LRRTM4: variants seen among roughly 807,000 people sequenced by gnomAD.
LRRTM4 encodes the protein leucine-rich repeat transmembrane neuronal protein 4.
Under a neutral mutation model 47.6 loss-of-function variants are expected in LRRTM4, and 25 were observed. That is an observed-to-expected ratio of 0.53 (90% CI 0.38 to 0.73). The LOEUF (loss-of-function observed/expected upper bound fraction) is 0.73. LRRTM4 is among the 30% of genes least tolerant of loss of function. The probability of loss-of-function intolerance (pLI) is 0.00; values close to 1 mark genes in which losing one functional copy is unlikely to be tolerated. For synonymous variants in LRRTM4, 311 were observed against 269.5 expected (o/e 1.15, Z -1.51); for missense variants, 638 against 713.4 (o/e 0.89, Z 1.20).
intron 3 of LRRTM4, among the ~76,000 whole-genome samples, chr2:76,972,685 G>T (rs1201645010): frequency 6.6e-6 from 1 of 151,950 alleles, no homozygotes. Context: ...CTCCCAAAGT[G>T]CTGGGATTAC....
At chr2:77,064,216 G>T (rs1475320281) in intron 3 of LRRTM4, among the ~76,000 whole-genome samples, 1 of 152,020 alleles carries the variant, frequency 6.6e-6, no homozygotes, top group Admixed American at 6.6e-5. Flanking sequence ...TATCCAATAA[G>T]TACTTCCACC....
intron 3 of LRRTM4, among the ~76,000 whole-genome samples, chr2:77,315,466 T>G (rs1236111042): frequency 6.6e-6 from 1 of 152,176 alleles, no homozygotes; most frequent in Non-Finnish European, 1.5e-5. Context: ...AAATATAGAT[T>G]GCTAGTGCTG....
intron 3 of LRRTM4, among the ~76,000 whole-genome samples, chr2:77,498,945 A>G (rs1678465505): frequency 6.6e-6 from 1 of 151,864 alleles, no homozygotes; most frequent in Admixed American, 6.6e-5. Flanking sequence ...AGATCTCTAC[A>G]TAGATTACTC....
At chr2:77,412,047 C>A (rs1489935974) in intron 3 of LRRTM4, among the ~76,000 whole-genome samples, 1 of 152,076 alleles carries the variant, frequency 6.6e-6, no homozygotes, top group African/African-American at 2.4e-5. Flanking sequence ...CAACTGTGGT[C>A]TTTACATGAG....
At position 77,140,660 on chromosome 2, in the gene LRRTM4, A is replaced by AAAG. The variant is rs1672094734; in HGVS notation, c.1551+377655_1551+377657dup. 9.2e-5 allele frequency among the ~76,000 whole-genome samples: 14 copies of AAAG among 152,332 alleles called. No homozygotes were observed. The South Asian group carries it at 2.9e-3, about 32-fold the overall frequency. ...TAAACTAAAGAGCTTCTGCACAGCA[A>AAAG]AAGAAACTACCATCACAGTGAACAG... On this transcript the variant is annotated intron_variant, in intron 3 of 3. Coordinates refer to ENST00000409884, the MANE Select transcript of LRRTM4 (RefSeq NM_001134745.3).
intron 3 of LRRTM4, among the ~76,000 whole-genome samples, chr2:77,213,201 A>C (rs765473333): frequency 2.2e-4 from 34 of 152,164 alleles, no homozygotes; most frequent in Non-Finnish European, 3.8e-4. Context: ...TTTCTTTTAA[A>C]TACCATCAGC....
At chr2:77,441,008 C>T (rs1675818448) in intron 3 of LRRTM4, among the ~76,000 whole-genome samples, 1 of 152,218 alleles carries the variant, frequency 6.6e-6, no homozygotes, top group Admixed American at 6.5e-5. Flanking sequence ...TTACAAAAAT[C>T]ATTCTCACAA....
At chr2:77,123,213 CAGAGAGAGAGAGAGAG>C (rs56149151) in intron 3 of LRRTM4, among the ~76,000 whole-genome samples, 1 of 142,890 alleles carries the variant, frequency 7.0e-6, no homozygotes, top group East Asian at 2.1e-4. Context: ...TTCAGTCTCA[CAGAGAGAGAGAGAGAG>C]AGAGAGAGAG....
intron 3 of LRRTM4, among the ~76,000 whole-genome samples, chr2:76,827,504 T>C (rs1418684704): frequency 1.3e-5 from 2 of 151,812 alleles, no homozygotes; most frequent in Non-Finnish European, 2.9e-5. Context: ...CTGAGGACCA[T>C]ATGGATGCTG....
chr2:77,332,391 C>T (rs572680653), intron 3 of LRRTM4, among the ~76,000 whole-genome samples: 1 of 152,256 alleles, frequency 6.6e-6, no homozygotes, highest in South Asian at 2.1e-4. Context: ...ATTATTCATA[C>T]ACGTTTTAGA....
intron 3 of LRRTM4, among the ~76,000 whole-genome samples, chr2:77,458,991 C>T (rs985959044): frequency 6.6e-6 from 1 of 151,952 alleles, no homozygotes; most frequent in African/African-American, 2.4e-5. Context: ...ACATTGTCTT[C>T]TCTGTGGATT....
At chr2:76,775,650 T>C (rs1031987312) in intron 3 of LRRTM4, among the ~76,000 whole-genome samples, 1 of 152,178 alleles carries the variant, frequency 6.6e-6, no homozygotes, top group African/African-American at 2.4e-5. Flanking sequence ...GCTTTATAGA[T>C]AAGTGCAGTC....
intron 3 of LRRTM4, among the ~76,000 whole-genome samples, chr2:77,057,815 G>C (rs1679658658): frequency 1.3e-5 from 2 of 152,052 alleles, no homozygotes; most frequent in South Asian, 4.1e-4. Flanking sequence ...CCTCTATTAA[G>C]GATAGATATG....
chr2:76,950,830 C>T (rs1675469903), intron 3 of LRRTM4, among the ~76,000 whole-genome samples: 1 of 151,890 alleles, frequency 6.6e-6, no homozygotes, highest in Non-Finnish European at 1.5e-5. Context: ...TAGATTCAGC[C>T]ATATTAAGAC....
intron 3 of LRRTM4, among the ~76,000 whole-genome samples, chr2:76,757,621 A>G (rs1050630670): frequency 3.3e-5 from 5 of 152,128 alleles, no homozygotes; most frequent in African/African-American, 4.8e-5. Flanking sequence ...AGTCTCCCCA[A>G]TAGTGCATTG....
At chr2:77,290,516 A>T (rs567176419) in intron 3 of LRRTM4, among the ~76,000 whole-genome samples, 3 of 152,142 alleles carry the variant, frequency 2.0e-5, no homozygotes, top group South Asian at 2.1e-4. Context: ...GTTAACAAAA[A>T]ATTTATTGTA....
At chr2:77,252,227 C>A (rs1675637758) in intron 3 of LRRTM4, among the ~76,000 whole-genome samples, 1 of 152,040 alleles carries the variant, frequency 6.6e-6, no homozygotes, top group South Asian at 2.1e-4. Context: ...AATCTTGATC[C>A]AACTATAGCC....
At chr2:77,217,467 A>ATATATATATATATATG (rs1465668035) in intron 3 of LRRTM4, among the ~76,000 whole-genome samples, 1 of 140,044 alleles carries the variant, frequency 7.1e-6, no homozygotes, top group African/African-American at 2.7e-5. Flanking sequence ...ATATATATAT[A>ATATATATATATATATG]TACTAAGCCT....
chr2:77,024,372 T>C (rs752921812), intron 3 of LRRTM4, among the ~76,000 whole-genome samples: 118 of 152,178 alleles, frequency 7.8e-4, no homozygotes, highest in Non-Finnish European at 9.6e-4. Flanking sequence ...TCCTTTAGCA[T>C]AATATCCTCC....
Sources: gnomAD v4.1 joint callset for allele counts (sites outside exome capture counted in the v4.1 genomes callset) on GRCh38, gnomAD v4.1.1 for gene constraint, MANE v1.5 for transcripts, NCBI Gene and HGNC (gene_info 2026-07-23, HGNC 2026-07-21) for gene names.